B4GALNT3: variants seen among roughly 807,000 people sequenced by gnomAD.
B4GALNT3 encodes beta-1,4-N-acetyl-galactosaminyltransferase 3.
In B4GALNT3, 86 loss-of-function variants were observed where a neutral mutation model predicts 120.2. The ratio of observed to expected loss-of-function variants is 0.72; its 90% CI spans 0.60 to 0.86. B4GALNT3 has a LOEUF of 0.86. Among genes scored for constraint, B4GALNT3 ranks in the 40% least tolerant of loss-of-function variants. B4GALNT3 has a pLI of 0.00. For missense variants in B4GALNT3, 1,167 were observed against 1,298.9 expected, an observed-to-expected ratio of 0.90 and a Z score of 1.56; for synonymous variants, 518 against 510.4, an observed-to-expected ratio of 1.01 and a Z score of -0.20.
At position 558,107 on chromosome 12, in the gene B4GALNT3, G is replaced by A; in HGVS notation, c.2607+19G>A. Reference sequence around the variant, plus strand: ...CGTGAAGGTAAAGGGCCTGGATGGGGCCTGCGAGATGGAATTCAAGGCTGG... The same window carrying A: ...CGTGAAGGTAAAGGGCCTGGATGGGACCTGCGAGATGGAATTCAAGGCTGG... On this transcript the variant is annotated intron_variant, in intron 17 of 19. Transcript: ENST00000266383. The A allele has an allele frequency of 1.2e-6, 2 of 1,611,984 alleles. No individual in the cohort carries two copies. Among genetic ancestry groups the A allele is most frequent in the East Asian group, 2.2e-5 (1 of 44,860 alleles).
chr12:559,052 C>G (rs1417270885), intron 18 of B4GALNT3, among the ~76,000 whole-genome samples: 1 of 152,022 alleles, frequency 6.6e-6, no homozygotes, highest in Non-Finnish European at 1.5e-5. Context: ...GCTGTCCGAT[C>G]CATTTGTAGG....
At chr12:489,027 A>T (rs1565591815) in intron 1 of B4GALNT3, among the ~76,000 whole-genome samples, 1 of 152,088 alleles carries the variant, frequency 6.6e-6, no homozygotes, top group Non-Finnish European at 1.5e-5. Flanking sequence ...GACATGGATG[A>T]AGCTGGAAAC....
intron 1 of B4GALNT3, among the ~76,000 whole-genome samples, chr12:491,472 G>A (rs1946338967): frequency 6.6e-6 from 1 of 151,818 alleles, no homozygotes; most frequent in Admixed American, 6.6e-5. Context: ...TGAGATTACA[G>A]GCGTGCACCA....
In B4GALNT3 at chr12:549,853, G is replaced by A. The variant is rs1202638192; in HGVS notation, c.938G>A (p.Arg313Lys). Residue 313 changes from arginine (R) to lysine (K), a missense_variant, in exon 10 of 20, where the codon AGG (arginine) becomes AAG (lysine). By Grantham distance (26) the Arg-to-Lys change is conservative. This residue lies in a region of B4GALNT3 where 983 missense variants were observed against 1,102.5 expected (regional missense o/e 0.89). Transcript: ENST00000266383. ...GTGGACTCCTCCAACGCTCTTCCCA[G>A]GGATGAGCAGCCGCCCGCTGACATG... ...SHVDSSNALPRDEQPPADMLR... is the reference protein window; with the variant it reads ...SHVDSSNALPKDEQPPADMLR... 1 of 1,613,794 alleles carries A rather than the reference G, an allele frequency of 6.2e-7. No individual in the cohort carries two copies. The highest frequency in any genetic ancestry group is 1.7e-5 in the Admixed American group (1 of 60,026).
At chr12:465,563 TA>T (rs1209137122) in intron 1 of B4GALNT3, among the ~76,000 whole-genome samples, 6 of 152,132 alleles carry the variant, frequency 3.9e-5, no homozygotes, top group African/African-American at 1.4e-4. Flanking sequence ...GCATTGCCTA[TA>T]CGAGGAATGC....
intron 6 of B4GALNT3, 140 bp from the exon 7 acceptor site, chr12:546,506 A>C: frequency 1.3e-6 from 1 of 769,364 alleles, no homozygotes; most frequent in Non-Finnish European, 2.2e-6. Context: ...TTTCTCTCCT[A>C]CCTCTCTCAC....
intron 1 of B4GALNT3, among the ~76,000 whole-genome samples, chr12:516,000 G>A (rs1946650741): frequency 6.6e-6 from 1 of 152,018 alleles, no homozygotes; most frequent in Non-Finnish European, 1.5e-5. Context: ...ACAAAAATTA[G>A]CCAGGCGTGG....
At chr12:470,130 C>T (rs1946121478) in intron 1 of B4GALNT3, among the ~76,000 whole-genome samples, 1 of 152,158 alleles carries the variant, frequency 6.6e-6, no homozygotes, top group South Asian at 2.1e-4. Flanking sequence ...AAGTTGCGCA[C>T]GTCACTAAGG....
At chr12:516,667 A>G (rs1008581388) in intron 1 of B4GALNT3, among the ~76,000 whole-genome samples, 4 of 152,198 alleles carry the variant, frequency 2.6e-5, no homozygotes, top group African/African-American at 9.7e-5. Flanking sequence ...AACGTTACTC[A>G]TTGGCCATCA....
chr12:463,041 A>G (rs1416399241), intron 1 of B4GALNT3, among the ~76,000 whole-genome samples: 2 of 152,108 alleles, frequency 1.3e-5, no homozygotes, highest in East Asian at 1.9e-4. Flanking sequence ...GGCCTCAACC[A>G]CAGCAACCAG....
At chr12:511,482 T>TCCACCTTCTTCCACCTTCCAC (rs1555154929) in intron 1 of B4GALNT3, among the ~76,000 whole-genome samples, 3 of 66,230 alleles carry the variant, frequency 4.5e-5, no homozygotes, top group Admixed American at 2.0e-4. Context: ...TCTTCCACCT[T>TCCACCTTCTTCCACCTTCCAC]CTTCCACCTT....
In B4GALNT3 at chr12:545,542, C is replaced by T. The variant is rs113887735; in HGVS notation, c.639+73C>T. 1.4e-5 allele frequency: 19 copies of T among 1,397,940 alleles called. No homozygotes were observed. In the African/African-American group the frequency reaches 1.9e-4, roughly 14 times the overall value. 86.6% of individuals were successfully genotyped at this position (1,397,940 alleles called of 1,614,324 possible). A position where few individuals can be genotyped will look rare whatever the true frequency, so the allele number is the denominator to read the frequency against. On this transcript the variant is annotated intron_variant, in intron 6 of 19. Transcript: ENST00000266383. The stretch of plus-strand genomic sequence containing the variant: ...TTCATTGAGTCCTCCAGCAGCTGCT[C>T]ATTACTGTTAGCATCTCTGGTGTGA...
chr12:555,928 T>C lies in B4GALNT3; in HGVS notation c.2061-619T>C, dbSNP rs1157731156. ...CCTCCTGAGTAGCTGGAACTACAGG[T>C]GCCCACCACCACACCTGGCTAATTT... On this transcript the variant is annotated intron_variant, in intron 14 of 19. Transcript: ENST00000266383. Among the ~76,000 whole-genome samples, 299 of 151,990 alleles carry C rather than the reference T, an allele frequency of 2.0e-3. 3 individuals carry two copies. The highest frequency in any genetic ancestry group is 6.7e-3 in the African/African-American group (279 of 41,380).
intron 1 of B4GALNT3, among the ~76,000 whole-genome samples, chr12:520,355 G>A (rs940547193): frequency 6.6e-6 from 1 of 152,208 alleles, no homozygotes; most frequent in African/African-American, 2.4e-5. Context: ...GTCAAACAAT[G>A]TAACTGGCCT....
intron 6 of B4GALNT3, among the ~76,000 whole-genome samples, chr12:545,853 C>T (rs1189380928): frequency 6.1e-5 from 1 of 16,410 alleles, no homozygotes; most frequent in Non-Finnish European, 1.0e-4. Context: ...TGGGGAGGAG[C>T]GAGGAGTGGG....
rs11063201 is a variant in B4GALNT3, at chr12:481,304, G to A, written c.169+20759G>A. 7.4e-3 allele frequency among the ~76,000 whole-genome samples: 1,120 copies of A among 152,322 alleles called. 15 individuals are homozygous for A. The highest frequency in any genetic ancestry group is 0.01 in the Middle Eastern group (3 of 294). On this transcript the variant is annotated intron_variant, in intron 1 of 19. Transcript: ENST00000266383. ...ATAATGGCCCTGACCTCACAGTGCC[G>A]TGGCAGCAAGTTGAAAAGCTAGCAC...
chr12:476,666 A>G (rs1346107593), intron 1 of B4GALNT3, among the ~76,000 whole-genome samples: 2 of 152,194 alleles, frequency 1.3e-5, no homozygotes, highest in Admixed American at 6.5e-5. Flanking sequence ...TTGAATGTTG[A>G]TTTGAAGATA....
chr12:466,124 G>A (rs1010635559), intron 1 of B4GALNT3, among the ~76,000 whole-genome samples: 1 of 151,994 alleles, frequency 6.6e-6, no homozygotes, highest in African/African-American at 2.4e-5. Flanking sequence ...GGGGCTGCCT[G>A]CCACTCCCTG....
chr12:536,084 G>T, intron 2 of B4GALNT3, 134 bp from the exon 3 acceptor site: 1 of 683,880 alleles, frequency 1.5e-6, no homozygotes, highest in South Asian at 1.7e-5. Context: ...TGTATTCCCA[G>T]GACATGGTGT....
Sources: allele counts gnomAD v4.1 joint callset (sites outside exome capture counted in the v4.1 genomes callset), GRCh38; gene constraint gnomAD v4.1.1; regional missense constraint gnomAD v4.1.1; transcripts MANE v1.5; gene names NCBI Gene and HGNC (gene_info 2026-07-23, HGNC 2026-07-21).